ANXA9: variants seen among roughly 807,000 people sequenced by gnomAD.
ANXA9 encodes the protein annexin A9, also known as annexin 31.
In ANXA9, 47 loss-of-function variants were observed where a neutral mutation model predicts 51.8. The ratio of observed to expected loss-of-function variants is 0.91; its 90% CI spans 0.72 to 1.16. The LOEUF (loss-of-function observed/expected upper bound fraction) is 1.16, where lower values mean the gene tolerates loss of function less well. ANXA9 is among the 50% of genes most tolerant of loss of function. ANXA9 has a pLI of 0.00. For synonymous variants in ANXA9, 154 were observed against 168.7 expected, an observed-to-expected ratio of 0.91 and a Z score of 0.68; for missense variants, 361 against 424.7, an observed-to-expected ratio of 0.85 and a Z score of 1.32.
chr1:150,993,685 A>C (rs1344435566), intron 12 of ANXA9, among the ~76,000 whole-genome samples: 1 of 127,432 alleles, frequency 7.8e-6, no homozygotes, highest in East Asian at 2.3e-4. Flanking sequence ...CCCAGGTTGG[A>C]GTGCAGTGGC....
intron 9 of ANXA9, 40 bp downstream of exon 9, chr1:150,986,701 C>T: frequency 6.5e-7 from 1 of 1,532,310 alleles, no homozygotes; most frequent in Non-Finnish European, 8.8e-7. Context: ...CCGCCATGCA[C>T]ATAAGATGCC....
intron 13 of ANXA9, 143 bp from the exon 14 acceptor site, chr1:150,995,114 TTGG>T: frequency 1.2e-6 from 1 of 808,368 alleles, no homozygotes; most frequent in Non-Finnish European, 2.0e-6. Flanking sequence ...CCAGGAGTCT[TTGG>T]TTAATGTAGT....
upstream of ANXA9, among the ~76,000 whole-genome samples, chr1:150,977,538 C>G (rs1671358186): frequency 6.6e-6 from 1 of 152,230 alleles, no homozygotes; most frequent in Admixed American, 6.5e-5. Context: ...GTATGGGCTG[C>G]TGAACTGTCC....
chr1:150,993,873 A>T (rs1671768434), intron 12 of ANXA9, among the ~76,000 whole-genome samples: 1 of 151,326 alleles, frequency 6.6e-6, no homozygotes, highest in Non-Finnish European at 1.5e-5. Context: ...ACCTCAGATG[A>T]TCCACGCGCC....
At chr1:150,983,273 G>C in intron 3 of ANXA9, 65 bp from the exon 4 acceptor site, 1 of 1,600,194 alleles carries the variant, frequency 6.2e-7, no homozygotes, top group Non-Finnish European at 8.5e-7. Flanking sequence ...CAGGCCCTGA[G>C]GTTATGCTGA....
At position 150,983,396 on chromosome 1, in the gene ANXA9, A is replaced by G; in HGVS notation, c.134A>G (p.Lys45Arg). ...ACCTTCTTGAACTTCAGCGTGGACAAGGATGCGCAGAGGCTACTGAGGGCC... is the reference window on the plus strand; with the variant it reads ...ACCTTCTTGAACTTCAGCGTGGACAGGGATGCGCAGAGGCTACTGAGGGCC... ...LRTFLNFSVDKDAQRLLRAIT... is the reference protein window; with the variant it reads ...LRTFLNFSVDRDAQRLLRAIT... The change falls in exon 4 of 14, where the codon AAG (lysine) becomes AGG (arginine). Residue 45 changes from lysine to arginine, a missense_variant. Physicochemically the swap from Lys to Arg is conservative, Grantham distance 26. Transcript: ENST00000368947. 1.2e-6 allele frequency: 2 copies of G among 1,613,886 alleles called. No homozygotes were observed. The highest frequency in any genetic ancestry group is 1.7e-6 in the Non-Finnish European group (2 of 1,179,870).
At chr1:150,986,221 A>G in intron 7 of ANXA9, 115 bp from the exon 8 acceptor site, 1 of 850,872 alleles carries the variant, frequency 1.2e-6, no homozygotes, top group Middle Eastern at 2.4e-4. Flanking sequence ...AAGCTACTCC[A>G]AGCAGGGGCT....
chr1:150,994,479 C>A (rs1671783196), intron 12 of ANXA9, 98 bp from the exon 13 acceptor site: 1 of 1,555,556 alleles, frequency 6.4e-7, no homozygotes, highest in African/African-American at 1.4e-5. Flanking sequence ...TGACTCCCAC[C>A]TTGCCTCCCC....
At chr1:150,993,879 G>T (rs112887760) in intron 12 of ANXA9, among the ~76,000 whole-genome samples, 1,701 of 149,056 alleles carry the variant, frequency 0.011, 21 homozygotes, top group African/African-American at 0.04. Flanking sequence ...GATGATCCAC[G>T]CGCCTCATCC....
chr1:150,983,520 T>C, intron 4 of ANXA9, 86 bp downstream of exon 4: 2 of 1,303,572 alleles, frequency 1.5e-6, no homozygotes, highest in South Asian at 1.4e-5. Flanking sequence ...GAACTAGTGA[T>C]GTTGGAGAAA....
upstream of ANXA9, among the ~76,000 whole-genome samples, chr1:150,980,537 G>A (rs1360819208): frequency 2.0e-5 from 3 of 150,556 alleles, no homozygotes; most frequent in Admixed American, 6.6e-5. Context: ...ACTTTACAGG[G>A]CACTTTTCTC....
Position 150,984,631 on chromosome 1 carries a change from C to G in ANXA9, c.427C>G (p.Arg143Gly). 6.2e-7 allele frequency: 1 copy of G among 1,614,098 alleles called. No individual in the cohort carries two copies. Among genetic ancestry groups the G allele is most frequent in the Non-Finnish European group, 8.5e-7 (1 of 1,180,008 alleles). ...CGTGGCCATTGAAATTCTTGCCACTCGAACCCCACCCCAGCTGCAGGAGTG... is the reference window on the plus strand; with the variant it reads ...CGTGGCCATTGAAATTCTTGCCACTGGAACCCCACCCCAGCTGCAGGAGTG... Reference protein sequence around the residue: ...VDVAIEILATRTPPQLQECLA... With the variant: ...VDVAIEILATGTPPQLQECLA... The change falls in exon 7 of 14, where the codon CGA (arginine) becomes GGA (glycine). Residue 143 changes from arginine to glycine, a missense_variant. By Grantham distance (125) the Arg-to-Gly change is moderately radical (BLOSUM62 -2). Transcript: ENST00000368947.
At chr1:150,979,132 TG>T (rs1426881755), upstream of ANXA9, among the ~76,000 whole-genome samples, 1 of 150,998 alleles carries the variant, frequency 6.6e-6, no homozygotes, top group African/African-American at 2.4e-5. Flanking sequence ...GGAATGAGTT[TG>T]TAGCAGGTTT....
At chr1:150,989,412 A>G (rs1335774583) in intron 12 of ANXA9, among the ~76,000 whole-genome samples, 1 of 151,402 alleles carries the variant, frequency 6.6e-6, no homozygotes, top group East Asian at 2.0e-4. Flanking sequence ...AAGTTCAGGA[A>G]GGGCGCAGTG....
chr1:150,986,100 C>G (rs1267478146), intron 7 of ANXA9, among the ~76,000 whole-genome samples: 1 of 152,138 alleles, frequency 6.6e-6, no homozygotes, highest in African/African-American at 2.4e-5. Flanking sequence ...GCCTCCTGCC[C>G]AGCAGGTTGG....
In ANXA9 at chr1:150,983,356, C is replaced by G; in HGVS notation, c.94C>G (p.Leu32Val). The G allele has an allele frequency of 6.2e-7, 1 of 1,614,030 alleles. No individual in the cohort carries two copies. Among genetic ancestry groups the G allele is most frequent in the South Asian group, 1.1e-5 (1 of 91,062 alleles). ...LASKTAAWGT[L>V]GTLRTFLNFS... ...CCCACAGACTGCAGCGTGGGGGACC[C>G]TGGGCACCCTCAGGACCTTCTTGAA... Residue 32 changes from leucine (L) to valine (V), a missense_variant, in exon 4 of 14, where the codon CTG becomes GTG. Transcript: ENST00000368947.
chr1:150,988,387 G>A, intron 12 of ANXA9, 46 bp downstream of exon 12: 1 of 1,603,784 alleles, frequency 6.2e-7, no homozygotes, highest in East Asian at 2.2e-5. Flanking sequence ...AACTGGGGAG[G>A]AGAGAGGAAG....
At chr1:150,983,920 G>T in intron 4 of ANXA9, 55 bp from the exon 5 acceptor site, 1 of 1,553,964 alleles carries the variant, frequency 6.4e-7, no homozygotes, top group South Asian at 1.2e-5. Flanking sequence ...CAAGGAGTAG[G>T]AACATCCCAC....
chr1:150,977,727 T>C (rs996910226), upstream of ANXA9, among the ~76,000 whole-genome samples: 1 of 152,150 alleles, frequency 6.6e-6, no homozygotes, highest in African/African-American at 2.4e-5. Flanking sequence ...TAGTACCTAA[T>C]GGAGATTCAG....
Sources: allele counts gnomAD v4.1 joint callset (sites outside exome capture counted in the v4.1 genomes callset), GRCh38; gene constraint gnomAD v4.1.1; transcripts MANE v1.5; gene names NCBI Gene and HGNC (gene_info 2026-07-23, HGNC 2026-07-21).